RASAL2: variants seen among roughly 807,000 people sequenced by gnomAD.
RASAL2 encodes ras GTPase-activating protein nGAP.
RASAL2 carries 58 observed loss-of-function variants against 128.9 expected under a neutral mutation model. The observed-to-expected ratio is 0.45, with a 90% confidence interval of 0.36 to 0.56. The LOEUF is 0.56. Ranked by LOEUF, RASAL2 falls within the 20% of genes least tolerant of loss-of-function variation. The pLI, the probability that RASAL2 is intolerant of heterozygous loss-of-function variation, is 0.00. For synonymous variants in RASAL2, 561 were observed against 580.8 expected (o/e 0.97, Z 0.49); for missense variants, 1,360 against 1,601.6 (o/e 0.85, Z 2.57).
chr1:178,298,497 A>T (rs1421855122), intron 2 of RASAL2, among the ~76,000 whole-genome samples: 1 of 152,202 alleles, frequency 6.6e-6, no homozygotes, highest in African/African-American at 2.4e-5. Context: ...TAACAGAGAG[A>T]GAGTTTTCCT....
At chr1:178,426,547 A>G (rs721289) in intron 5 of RASAL2, among the ~76,000 whole-genome samples, 27,315 of 152,066 alleles carry the variant, frequency 0.18, 3,075 homozygotes, top group African/African-American at 0.32. Flanking sequence ...ATAAGAAATG[A>G]AAATGCCAAG....
intron 3 of RASAL2, among the ~76,000 whole-genome samples, chr1:178,367,639 C>G (rs1671474408): frequency 6.6e-6 from 1 of 151,972 alleles, no homozygotes; most frequent in Admixed American, 6.6e-5. Context: ...TAATGAAAAT[C>G]AGGAATACTA....
At chr1:178,102,649 G>T in intron 1 of RASAL2, among the ~76,000 whole-genome samples, 1 of 151,674 alleles carries the variant, frequency 6.6e-6, no homozygotes. Flanking sequence ...TTTCTCTTAA[G>T]TGTATTTTCT....
intron 4 of RASAL2, among the ~76,000 whole-genome samples, chr1:178,413,022 TTTCC>T (rs148913731): frequency 0.013 from 1,990 of 152,058 alleles, 34 homozygotes; most frequent in African/African-American, 0.041. Context: ...TTTCTCTTTC[TTTCC>T]TTCCTTCCTT....
At chr1:178,217,841 A>T (rs749730703) in intron 1 of RASAL2, among the ~76,000 whole-genome samples, 6 of 152,146 alleles carry the variant, frequency 3.9e-5, no homozygotes, top group Non-Finnish European at 5.9e-5. Context: ...TGCCCCATTG[A>T]TCAACTTTTC....
chr1:178,108,747 G>A (rs1020694958), intron 1 of RASAL2, among the ~76,000 whole-genome samples: 9 of 152,166 alleles, frequency 5.9e-5, no homozygotes, highest in African/African-American at 1.9e-4. Flanking sequence ...TAGTTTACCT[G>A]TGAGTTTTAT....
Position 178,439,439 on chromosome 1 carries a change from A to G in RASAL2, c.692A>G (p.Lys231Arg), listed in dbSNP as rs752038445. The G allele has an allele frequency of 1.2e-6, 2 of 1,609,660 alleles. No individual in the cohort carries two copies. Among genetic ancestry groups the G allele is most frequent in the Non-Finnish European group, 8.5e-7 (1 of 1,178,220 alleles). ...ACTTTTAGGTCTCGTGGGCTGCCTAAACTAAAAGAGTCACGTTCCCATGAA... is the reference window on the plus strand; with the variant it reads ...ACTTTTAGGTCTCGTGGGCTGCCTAGACTAAAAGAGTCACGTTCCCATGAA... The part of the protein sequence containing the change: ...STDDRSRGLP[K>R]LKESRSHESL... Residue 231 changes from lysine (K) to arginine (R), a missense_variant, in exon 6 of 18, where the codon AAA (lysine) becomes AGA (arginine). Physicochemically the swap from Lys to Arg is conservative, Grantham distance 26. Coordinates refer to ENST00000367649, the MANE Select transcript of RASAL2 (RefSeq NM_170692.4).
intron 3 of RASAL2, among the ~76,000 whole-genome samples, chr1:178,368,447 T>C (rs140661310): frequency 2.6e-5 from 4 of 152,178 alleles, no homozygotes; most frequent in African/African-American, 9.6e-5. Context: ...ACACAGGAAA[T>C]GCATATGCCC....
At chr1:178,221,459 A>G (rs919016271) in intron 1 of RASAL2, among the ~76,000 whole-genome samples, 1 of 152,146 alleles carries the variant, frequency 6.6e-6, no homozygotes, top group African/African-American at 2.4e-5. Context: ...CTGATAAGTT[A>G]TATCATCATT....
At chr1:178,276,394 A>G (rs553239698) in intron 1 of RASAL2, among the ~76,000 whole-genome samples, 3 of 152,302 alleles carry the variant, frequency 2.0e-5, no homozygotes, top group Admixed American at 6.5e-5. Context: ...AATGAAAGAG[A>G]GTGACTTAGT....
intron 3 of RASAL2, among the ~76,000 whole-genome samples, chr1:178,309,773 A>G (rs571055151): frequency 4.9e-4 from 74 of 152,338 alleles, no homozygotes; most frequent in African/African-American, 1.7e-3. Context: ...TTCAAATACT[A>G]TAATGAATAT....
chr1:178,132,806 T>C (rs561297364), intron 1 of RASAL2, among the ~76,000 whole-genome samples: 2 of 150,198 alleles, frequency 1.3e-5, no homozygotes, highest in East Asian at 3.9e-4. Context: ...TCTTGCTCTG[T>C]CACCCAGGTT....
chr1:178,385,921 G>A (rs1571975838), intron 3 of RASAL2, among the ~76,000 whole-genome samples: 3 of 152,106 alleles, frequency 2.0e-5, no homozygotes, highest in Admixed American at 2.0e-4. Flanking sequence ...CCTTTGCAGT[G>A]CAACTACCTA....
chr1:178,221,547 CTT>C (rs2102004060), intron 1 of RASAL2, among the ~76,000 whole-genome samples: 1 of 152,032 alleles, frequency 6.6e-6, no homozygotes, highest in South Asian at 2.1e-4. Flanking sequence ...GTTGCTTTAT[CTT>C]TATGTGTTTG....
At chr1:178,463,655 C>T (rs1647338992) in intron 14 of RASAL2, among the ~76,000 whole-genome samples, 2 of 152,126 alleles carry the variant, frequency 1.3e-5, no homozygotes, top group Admixed American at 1.3e-4. Context: ...ACCAGCATCA[C>T]TTGTCCTTCT....
intron 4 of RASAL2, among the ~76,000 whole-genome samples, chr1:178,394,598 A>G (rs1673106457): frequency 6.6e-6 from 1 of 152,202 alleles, no homozygotes; most frequent in African/African-American, 2.4e-5. Flanking sequence ...TGCTAGGCTT[A>G]GTGTTCTGAT....
chr1:178,331,191 G>GT (rs1224279469), intron 3 of RASAL2, among the ~76,000 whole-genome samples: 1 of 152,098 alleles, frequency 6.6e-6, no homozygotes, highest in Non-Finnish European at 1.5e-5. Flanking sequence ...TTTTATTTTT[G>GT]TTTTTTAAGA....
At chr1:178,362,223 T>C (rs542303273) in intron 3 of RASAL2, among the ~76,000 whole-genome samples, 2 of 152,328 alleles carry the variant, frequency 1.3e-5, no homozygotes, top group East Asian at 3.9e-4. Context: ...TGGAAGGTTA[T>C]GCATAGGTTA....
At chr1:178,202,197 G>A (rs1035002350) in intron 1 of RASAL2, among the ~76,000 whole-genome samples, 9 of 152,170 alleles carry the variant, frequency 5.9e-5, no homozygotes, top group Admixed American at 2.6e-4. Flanking sequence ...AGTATCCATC[G>A]TCAAATGGAA....
Sources: allele counts gnomAD v4.1 joint callset (sites outside exome capture counted in the v4.1 genomes callset), GRCh38; gene constraint gnomAD v4.1.1; transcripts MANE v1.5; gene names NCBI Gene and HGNC (gene_info 2026-07-23, HGNC 2026-07-21).